YWHAE: variants seen among roughly 807,000 people sequenced by gnomAD.
YWHAE encodes the protein 14-3-3 protein epsilon.
Under a neutral mutation model 30.1 loss-of-function variants are expected in YWHAE, and 4 were observed. That is an observed-to-expected ratio of 0.13 (90% CI 0.07 to 0.30). YWHAE has a LOEUF of 0.30. YWHAE is among the 10% of genes least tolerant of loss of function. YWHAE has a pLI of 1.00. For synonymous variants in YWHAE, 118 were observed against 111.8 expected (o/e 1.06, Z -0.35); for missense variants, 121 against 315.9 (o/e 0.38, Z 4.68).
At chr17:1,352,002 T>A (rs1250468595) in intron 5 of YWHAE, 3 of 152,004 alleles carry the variant, frequency 2.0e-5, no homozygotes, top group African/African-American at 7.3e-5. Flanking sequence ...CAGGCTGGTC[T>A]TGAACTCCTA....
chr17:1,397,443 C>T (rs2073491393), intron 1 of YWHAE, among the ~76,000 whole-genome samples: 1 of 152,146 alleles, frequency 6.6e-6, no homozygotes, highest in Non-Finnish European at 1.5e-5. Context: ...TCCTCCCGTA[C>T]TGTTAAATAA....
At chr17:1,357,904 G>GC in intron 4 of YWHAE, among the ~76,000 whole-genome samples, 1 of 150,868 alleles carries the variant, frequency 6.6e-6, no homozygotes, top group East Asian at 2.0e-4. Context: ...TCCAGCCTGG[G>GC]AAACACAGCG....
At chr17:1,350,279 T>C (rs935881206) in intron 5 of YWHAE, among the ~76,000 whole-genome samples, 1 of 152,022 alleles carries the variant, frequency 6.6e-6, no homozygotes, top group African/African-American at 2.4e-5. Context: ...GATGATCCAT[T>C]TCCTAAAACT....
At position 1,348,833 on chromosome 17, in the gene YWHAE, T is replaced by C. The variant is rs1195738142; in HGVS notation, c.716-3334A>G. Among the ~76,000 whole-genome samples, 372 of 127,340 alleles carry C rather than the reference T, an allele frequency of 2.9e-3. No homozygotes were observed. The Middle Eastern group carries it at 0.031, about 11-fold the overall frequency. 83.5% of individuals were successfully genotyped at this position (127,340 alleles called of 152,430 possible). On this transcript the variant is annotated intron_variant, in intron 5 of 5. Coordinates refer to ENST00000264335, the MANE Select transcript of YWHAE (RefSeq NM_006761.5). ...GGTTAGGAGATTGAGACCATCCGGG[T>C]TAACACGGGGAAACCCCGCCTCTAC... is the stretch of plus-strand genomic sequence containing the variant.
At chr17:1,349,733 C>T (rs542317354) in intron 5 of YWHAE, among the ~76,000 whole-genome samples, 3 of 152,060 alleles carry the variant, frequency 2.0e-5, no homozygotes, top group Non-Finnish European at 2.9e-5. Context: ...CTGCCTCAGC[C>T]TCCCAAGTAA....
intron 1 of YWHAE, among the ~76,000 whole-genome samples, chr17:1,394,559 T>C (rs1362794362): frequency 1.3e-5 from 2 of 151,014 alleles, no homozygotes; most frequent in Non-Finnish European, 2.9e-5. Flanking sequence ...TAAGCTATAA[T>C]GGCGACACTG....
chr17:1,370,301 G>T (rs894892060), intron 1 of YWHAE, among the ~76,000 whole-genome samples: 13 of 150,604 alleles, frequency 8.6e-5, no homozygotes, highest in South Asian at 2.1e-4. Flanking sequence ...GAATTTTTTT[G>T]TGTGTATTTT....
chr17:1,395,104 ACAAT>A (rs2073449196), intron 1 of YWHAE, among the ~76,000 whole-genome samples: 1 of 151,892 alleles, frequency 6.6e-6, no homozygotes, highest in Admixed American at 6.6e-5. Flanking sequence ...AAAAAAAAAA[ACAAT>A]CAGGCCGGGT....
At chr17:1,355,116 T>TAAAAAAAAAAAAAAAAAAAAAAAAAA (rs869230957) in intron 4 of YWHAE, among the ~76,000 whole-genome samples, 1 of 17,178 alleles carries the variant, frequency 5.8e-5, no homozygotes, top group Non-Finnish European at 1.0e-4. Flanking sequence ...CAAGATTTTT[T>TAAAAAAAAAAAAAAAAAAAAAAAAAA]AAAAAAAAAA....
intron 5 of YWHAE, among the ~76,000 whole-genome samples, chr17:1,352,587 T>A (rs896079358): frequency 4.0e-5 from 6 of 151,680 alleles, no homozygotes; most frequent in African/African-American, 9.7e-5. Context: ...TGCAATGGCG[T>A]ATCTCTCAGC....
intron 5 of YWHAE, among the ~76,000 whole-genome samples, chr17:1,353,299 G>A (rs1016511903): frequency 4.0e-5 from 6 of 151,850 alleles, no homozygotes; most frequent in African/African-American, 1.5e-4. Flanking sequence ...CTAGCCAGGC[G>A]TGGTGGCAGG....
intron 1 of YWHAE, among the ~76,000 whole-genome samples, chr17:1,370,299 TTGTG>T (rs1244634793): frequency 4.1e-5 from 6 of 147,956 alleles, no homozygotes; most frequent in South Asian, 2.2e-4. Flanking sequence ...GTGAATTTTT[TTGTG>T]TGTATTTTTA....
chr17:1,358,430 G>A (rs902442277), intron 4 of YWHAE, among the ~76,000 whole-genome samples: 26 of 151,894 alleles, frequency 1.7e-4, no homozygotes, highest in Middle Eastern at 3.2e-3. Flanking sequence ...TAGTAGAGAC[G>A]GGGTTTCACC....
chr17:1,374,747 C>A (rs193293771), intron 1 of YWHAE, among the ~76,000 whole-genome samples: 2 of 152,142 alleles, frequency 1.3e-5, no homozygotes, highest in Non-Finnish European at 2.9e-5. Context: ...AATATCTATT[C>A]AAACACTTTG....
At chr17:1,397,156 C>G (rs2073486401) in intron 1 of YWHAE, among the ~76,000 whole-genome samples, 1 of 152,236 alleles carries the variant, frequency 6.6e-6, no homozygotes, top group South Asian at 2.1e-4. Context: ...GCCTCGACCT[C>G]CCAAGGTGCT....
intron 1 of YWHAE, among the ~76,000 whole-genome samples, chr17:1,375,136 C>G (rs2073103742): frequency 6.6e-6 from 1 of 152,168 alleles, no homozygotes; most frequent in African/African-American, 2.4e-5. Context: ...TCCAAACATT[C>G]TACGACCAGT....
intron 5 of YWHAE, among the ~76,000 whole-genome samples, chr17:1,349,165 A>G (rs563358061): frequency 6.6e-6 from 1 of 151,952 alleles, no homozygotes; most frequent in South Asian, 2.1e-4. Context: ...ACACGGGGAA[A>G]CCCTGTCTCT....
intron 2 of YWHAE, among the ~76,000 whole-genome samples, chr17:1,364,022 C>T (rs146823883): frequency 3.5e-3 from 533 of 152,288 alleles, no homozygotes; most frequent in Middle Eastern, 0.01. Context: ...CATTGTTAAA[C>T]GTTCTCTGAA....
chr17:1,365,382 T>C (rs188523249), intron 1 of YWHAE, among the ~76,000 whole-genome samples: 165 of 152,120 alleles, frequency 1.1e-3, no homozygotes, highest in Non-Finnish European at 1.7e-3. Context: ...CAAAAAAAAA[T>C]GAGCTGTCAG....
Sources: gnomAD v4.1 joint callset for allele counts (sites outside exome capture counted in the v4.1 genomes callset) on GRCh38, gnomAD v4.1.1 for gene constraint, MANE v1.5 for transcripts, NCBI Gene and HGNC (gene_info 2026-07-23, HGNC 2026-07-21) for gene names.